The following APPBP2 variants were observed in gnomAD, a reference collection of about 807,000 sequenced individuals.
APPBP2 encodes the protein amyloid beta precursor protein binding protein 2, also known as amyloid protein-binding protein 2.
A neutral mutation model predicts 76.0 loss-of-function variants in APPBP2; 15 were observed. That is an observed-to-expected ratio of 0.20 (90% CI 0.13 to 0.30). The LOEUF (loss-of-function observed/expected upper bound fraction) is 0.30, where lower values mean the gene tolerates loss of function less well. Among genes scored for constraint, APPBP2 ranks in the 10% least tolerant of loss-of-function variants. The pLI is 1.00. For missense variants in APPBP2, 401 were observed against 687.2 expected, an observed-to-expected ratio of 0.58 and a Z score of 4.66; for synonymous variants, 222 against 242.2, an observed-to-expected ratio of 0.92 and a Z score of 0.77.
intron 4 of APPBP2, among the ~76,000 whole-genome samples, chr17:60,473,328 A>G (rs2090566930): frequency 1.3e-5 from 2 of 152,140 alleles, no homozygotes; most frequent in South Asian, 4.1e-4. Context: ...TTCCTACTCT[A>G]CCCACTAAGA....
intron 4 of APPBP2, chr17:60,468,547 T>G (rs1479112543): frequency 6.6e-6 from 1 of 152,234 alleles, no homozygotes; most frequent in Non-Finnish European, 1.5e-5. Flanking sequence ...CATGATGAAG[T>G]AGCAAAATAA....
intron 12 of APPBP2, among the ~76,000 whole-genome samples, chr17:60,451,185 T>C (rs1434746122): frequency 1.3e-5 from 2 of 152,190 alleles, no homozygotes; most frequent in Admixed American, 6.5e-5. Flanking sequence ...AAAATATACA[T>C]TGTATAACTT....
intron 1 of APPBP2, among the ~76,000 whole-genome samples, chr17:60,511,157 A>G (rs902380327): frequency 6.6e-6 from 1 of 152,252 alleles, no homozygotes; most frequent in African/African-American, 2.4e-5. Flanking sequence ...CCAGTCATAC[A>G]TAACACAATA....
At chr17:60,484,119 T>C (rs1013953624) in intron 3 of APPBP2, among the ~76,000 whole-genome samples, 2 of 152,224 alleles carry the variant, frequency 1.3e-5, no homozygotes, top group Non-Finnish European at 2.9e-5. Context: ...CACGCTGTTT[T>C]GGTTACTGCA....
rs766500972 is a variant in APPBP2, at chr17:60,479,202, C to T, written c.449G>A (p.Cys150Tyr). The part of the protein sequence containing the change: ...EKVFLSCLQL[C>Y]TLHDEMLHWF... The stretch of plus-strand genomic sequence containing the variant: ...ATGAAGCATCTCATCGTGTAGAGTA[C>T]ACAACTGAAGGCAGGACAGAAAAAC... Residue 150 changes from cysteine to tyrosine, a missense_variant, in exon 4 of 13, where the codon TGT (cysteine) becomes TAT (tyrosine). By Grantham distance (194) the Cys-to-Tyr change is radical. Transcript: ENST00000083182. 2.5e-6 allele frequency: 4 copies of T among 1,613,824 alleles called. No individual in the cohort carries two copies. In the African/African-American group the frequency reaches 5.3e-5, roughly 22 times the overall value.
chr17:60,477,800 C>CA (rs1177773203), intron 4 of APPBP2, among the ~76,000 whole-genome samples: 8,273 of 66,620 alleles, frequency 0.12, 965 homozygotes, highest in African/African-American at 0.33. Context: ...TCCAACTGGC[C>CA]AAAAAAAAAA....
rs1160811932 is a variant in APPBP2 at position 60,463,311 on chromosome 17, A to C, written c.762+710T>G. ...ACTGCACCAAAGGAGTAGTTTTAAA[A>C]TACTACTAAATGTCCTCAAAGAGTT... On this transcript the variant is annotated intron_variant, in intron 6 of 12. Coordinates refer to ENST00000083182, the MANE Select transcript of APPBP2 (RefSeq NM_006380.5). Among the ~76,000 whole-genome samples the C allele has an allele frequency of 5.3e-5, 8 of 152,178 alleles. No homozygotes were observed. In the East Asian group the frequency reaches 1.5e-3, roughly 29 times the overall value.
In APPBP2 at chr17:60,446,655, C is replaced by T. The variant is rs1439114173; in HGVS notation, c.*926G>A. ...CCGATATTTATAGACTTGCTTATGG[C>T]ACTGCCATCTGTGTACCTTGACTAA... On this transcript the variant is annotated 3_prime_UTR_variant, in exon 13 of 13. Transcript: ENST00000083182. The T allele has an allele frequency of 6.6e-6, 1 of 152,196 alleles. No homozygotes were observed. Among genetic ancestry groups the T allele is most frequent in the Non-Finnish European group, 1.5e-5 (1 of 68,024 alleles). 9.4% of individuals were successfully genotyped at this position (152,196 alleles called of 1,614,324 possible).
rs1040987828 is a variant in APPBP2, at chr17:60,445,731, T to A, written c.*1850A>T. On this transcript the variant is annotated 3_prime_UTR_variant, in exon 13 of 13. Coordinates refer to ENST00000083182, the MANE Select transcript of APPBP2 (RefSeq NM_006380.5). ...AACTGAGGGGTGGGGGGCAGCTTCA[T>A]AAACTGCAAGTACGTCAATTTACTC... 3 of 152,264 alleles carry A rather than the reference T, an allele frequency of 2.0e-5. 1 individual carries two copies. In the East Asian group the frequency reaches 5.8e-4, roughly 29 times the overall value. 9.4% of individuals were successfully genotyped at this position (152,264 alleles called of 1,614,324 possible).
rs1163622378 is a variant in APPBP2 at position 60,503,745 on chromosome 17, A to AACTT, written c.139-3262_139-3259dup. Reference sequence around the variant, plus strand: ...TTGGATACCAATCCAGAAAAAAAATAACTTCTAATCTTTTATGTGTCAGGC... The same window carrying AACTT: ...TTGGATACCAATCCAGAAAAAAAATAACTTACTTCTAATCTTTTATGTGTCAGGC... On this transcript the variant is annotated intron_variant, in intron 1 of 12. Transcript: ENST00000083182. Among the ~76,000 whole-genome samples the AACTT allele has an allele frequency of 1.4e-5, 2 of 146,886 alleles. 1 individual carries two copies. The highest frequency in any genetic ancestry group is 3.8e-4 in the East Asian group (2 of 5,204).
chr17:60,511,874 A>G (rs1377515622), intron 1 of APPBP2, among the ~76,000 whole-genome samples: 4 of 152,106 alleles, frequency 2.6e-5, no homozygotes, highest in South Asian at 2.1e-4. Flanking sequence ...CCTCTATTAT[A>G]TAAAGATATA....
At chr17:60,496,334 G>T (rs1397177160) in intron 2 of APPBP2, 1 of 152,146 alleles carries the variant, frequency 6.6e-6, no homozygotes, top group Non-Finnish European at 1.5e-5. Context: ...AAACAAAATT[G>T]TAAGAGTCAC....
chr17:60,480,512 A>G lies in APPBP2; in HGVS notation c.380-1241T>C, dbSNP rs116978339. Among the ~76,000 whole-genome samples, 132 of 152,322 alleles carry G rather than the reference A, an allele frequency of 8.7e-4. 1 individual carries two copies. The East Asian group carries it at 0.018, about 20-fold the overall frequency. On this transcript the variant is annotated intron_variant, in intron 3 of 12. Coordinates refer to ENST00000083182, the MANE Select transcript of APPBP2 (RefSeq NM_006380.5). ...TTAATGTATGAGTTGACAAAATATTATATTTTGCTTAGACTCATGTTTTAT... is the reference window on the plus strand; with the variant it reads ...TTAATGTATGAGTTGACAAAATATTGTATTTTGCTTAGACTCATGTTTTAT...
chr17:60,517,931 T>C lies in APPBP2; in HGVS notation c.138+7863A>G, dbSNP rs568710277. 2.3e-3 allele frequency among the ~76,000 whole-genome samples: 345 copies of C among 152,342 alleles called. 1 individual carries two copies. Among genetic ancestry groups the C allele is most frequent in the Non-Finnish European group, 3.9e-3 (263 of 68,034 alleles). Reference sequence around the variant, plus strand: ...TATTTCCTCTTCTGTAAACTGGTTTTTGGGACATGAATTAGTTGCCTTAGC... The same window carrying C: ...TATTTCCTCTTCTGTAAACTGGTTTCTGGGACATGAATTAGTTGCCTTAGC... On this transcript the variant is annotated intron_variant, in intron 1 of 12. Coordinates refer to ENST00000083182, the MANE Select transcript of APPBP2 (RefSeq NM_006380.5).
rs1186231670 is a variant in APPBP2, at chr17:60,454,969, T to G, written c.1148-477A>C. 2.6e-5 allele frequency among the ~76,000 whole-genome samples: 4 copies of G among 152,292 alleles called. No individual in the cohort carries two copies. In the East Asian group the frequency reaches 7.7e-4, roughly 29 times the overall value. On this transcript the variant is annotated intron_variant, in intron 10 of 12. Coordinates refer to ENST00000083182, the MANE Select transcript of APPBP2 (RefSeq NM_006380.5). ...TGACCAACCAAATCAGGCAAGACAT[T>G]TCAATTTCAAAGCTCCATTCAAGAC...
chr17:60,483,464 G>A (rs2090647570), intron 3 of APPBP2, among the ~76,000 whole-genome samples: 1 of 152,056 alleles, frequency 6.6e-6, no homozygotes, highest in Non-Finnish European at 1.5e-5. Context: ...CGCAATCTCG[G>A]CTCACTGCAA....
At chr17:60,524,337 AG>A (rs2091033225) in intron 1 of APPBP2, among the ~76,000 whole-genome samples, 1 of 152,224 alleles carries the variant, frequency 6.6e-6, no homozygotes, top group South Asian at 2.1e-4. Context: ...ACAAAGCTGC[AG>A]TTTCCCAGGC....
rs888280924 is a variant in APPBP2 at position 60,443,325 on chromosome 17, A to C, written c.*4256T>G. On this transcript the variant is annotated 3_prime_UTR_variant, in exon 13 of 13. Coordinates refer to ENST00000083182, the MANE Select transcript of APPBP2 (RefSeq NM_006380.5). The stretch of plus-strand genomic sequence containing the variant: ...TATGAAAGGTCATCCTGACACAATG[A>C]AGAACCGTCTTCAAAAATCTATTTA... 2.0e-5 allele frequency: 3 copies of C among 152,666 alleles called. No individual in the cohort carries two copies. Among genetic ancestry groups the C allele is most frequent in the African/African-American group, 7.2e-5 (3 of 41,462 alleles). 9.5% of individuals were successfully genotyped at this position (152,666 alleles called of 1,614,324 possible).
rs1056476344 is a variant in APPBP2 at position 60,443,267 on chromosome 17, A to G, written c.*4314T>C. ...ACTTAGTATGGTTTAATAGTTACAA[A>G]TAACGGTGGGCACTACAAGTTGGTG... On this transcript the variant is annotated 3_prime_UTR_variant, in exon 13 of 13. Transcript: ENST00000083182. 4.6e-5 allele frequency: 7 copies of G among 152,670 alleles called. No homozygotes were observed. The highest frequency in any genetic ancestry group is 1.7e-4 in the African/African-American group (7 of 41,456). 9.5% of individuals were successfully genotyped at this position (152,670 alleles called of 1,614,324 possible). A position where few individuals can be genotyped will look rare whatever the true frequency, so the allele number is the denominator to read the frequency against.
Sources: gnomAD v4.1 joint callset for allele counts (sites outside exome capture counted in the v4.1 genomes callset) on GRCh38, gnomAD v4.1.1 for gene constraint, MANE v1.5 for transcripts, NCBI Gene and HGNC (gene_info 2026-07-23, HGNC 2026-07-21) for gene names.